TAS2R4: variants seen among roughly 807,000 people sequenced by gnomAD.
TAS2R4 encodes taste receptor type 2 member 4.
A neutral mutation model predicts 14.3 loss-of-function variants in TAS2R4; 18 were observed. That is an observed-to-expected ratio of 1.26 (90% confidence interval 0.87 to 1.86). The LOEUF (loss-of-function observed/expected upper bound fraction) is 1.86. Ranked by LOEUF, TAS2R4 falls within the 40% of genes most tolerant of loss-of-function variation. The pLI is 0.00. For synonymous variants in TAS2R4, 130 were observed against 138.5 expected (o/e 0.94, Z 0.43); for missense variants, 306 against 342.7 (o/e 0.89, Z 0.85).
In TAS2R4 at chr7:141,778,112, C is replaced by T. The variant is rs1330610415; in HGVS notation, c.-377C>T. Among the ~76,000 whole-genome samples, 1 of 152,110 alleles carries T rather than the reference C, an allele frequency of 6.6e-6. No individual in the cohort carries two copies. The highest frequency in any genetic ancestry group is 1.5e-5 in the Non-Finnish European group (1 of 68,012). On this transcript the variant is annotated 5_prime_UTR_variant, in exon 1 of 1. Coordinates refer to ENST00000247881, the MANE Select transcript of TAS2R4 (RefSeq NM_016944.2). ...GCATTTTTATGAAGAAAAACTTTACCGTAAAACATTGACAGAAACATTGCT... is the reference window on the plus strand; with the variant it reads ...GCATTTTTATGAAGAAAAACTTTACTGTAAAACATTGACAGAAACATTGCT...
Position 141,776,776 on chromosome 7 carries a change from A to G in TAS2R4, c.-1713A>G, listed in dbSNP as rs980638526. Among the ~76,000 whole-genome samples the G allele has an allele frequency of 4.6e-5, 7 of 152,064 alleles. No homozygotes were observed. The highest frequency in any genetic ancestry group is 1.0e-4 in the Non-Finnish European group (7 of 68,010). On this transcript the variant is annotated 5_prime_UTR_variant, in exon 1 of 1. The change creates a new upstream start codon in the 5' untranslated region. Transcript: ENST00000247881. ...GAAAACAGCTAGGAAGTTTAACCATAGGTCAAATTCTCATGCATAGGGAGA... is the reference window on the plus strand; with the variant it reads ...GAAAACAGCTAGGAAGTTTAACCATGGGTCAAATTCTCATGCATAGGGAGA...
rs1427556421 is a variant in TAS2R4, at chr7:141,779,205, C to T, written c.717C>T (p.Tyr239=). Residue 239 remains tyrosine (Y), a synonymous_variant, in exon 1 of 1, where the codon TAC becomes TAT. Transcript: ENST00000247881. The part of the protein sequence containing the change: ...MKLMVYFLIL[Y]IPYSVATLVQ... ...TGATGGTCTATTTCCTCATCCTCTA[C>T]ATTCCATATTCAGTTGCTACCCTGG... 6.2e-7 allele frequency: 1 copy of T among 1,614,164 alleles called. No homozygotes were observed. The highest frequency in any genetic ancestry group is 1.7e-5 in the Admixed American group (1 of 60,028).
rs1182382046 is a variant in TAS2R4 at position 141,780,678 on chromosome 7, G to A, written c.*1290G>A. The A allele has an allele frequency of 1.3e-5, 2 of 152,182 alleles. No individual in the cohort carries two copies. Among genetic ancestry groups the A allele is most frequent in the Non-Finnish European group, 2.9e-5 (2 of 68,036 alleles). 9.4% of individuals were successfully genotyped at this position (152,182 alleles called of 1,614,324 possible). Reference sequence around the variant, plus strand: ...GGACTGTGGCTCCAAAAGAACAACAGTCTGAAGATGGGATGTTGACAAGTT... The same window carrying A: ...GGACTGTGGCTCCAAAAGAACAACAATCTGAAGATGGGATGTTGACAAGTT... On this transcript the variant is annotated 3_prime_UTR_variant, in exon 1 of 1. Coordinates refer to ENST00000247881, the MANE Select transcript of TAS2R4 (RefSeq NM_016944.2).
chr7:141,779,887 G>C lies in TAS2R4; in HGVS notation c.*499G>C, dbSNP rs1207172981. ...AAAAAGGAAGGTTTCAGAGAGAAAA[G>C]AAGGAAAGAGAAAGGTGAAGAGAAA... On this transcript the variant is annotated 3_prime_UTR_variant, in exon 1 of 1. Transcript: ENST00000247881. 1 of 154,008 alleles carries C rather than the reference G, an allele frequency of 6.5e-6. No individual in the cohort carries two copies. The highest frequency in any genetic ancestry group is 2.4e-5 in the African/African-American group (1 of 41,438). 9.5% of individuals were successfully genotyped at this position (154,008 alleles called of 1,614,324 possible). A position where few individuals can be genotyped will look rare whatever the true frequency, so the allele number is the denominator to read the frequency against.
Position 141,779,576 on chromosome 7 carries a change from A to G in TAS2R4, c.*188A>G, listed in dbSNP as rs1232229251. On this transcript the variant is annotated 3_prime_UTR_variant, in exon 1 of 1. Transcript: ENST00000247881. ...TTTTGGTATGTAAGTATTTTAAAAT[A>G]AGGCACATTCTGTAAGAAACTTTTT... is the stretch of plus-strand genomic sequence containing the variant. The G allele has an allele frequency of 3.6e-6, 2 of 559,354 alleles. No homozygotes were observed. The highest frequency in any genetic ancestry group is 3.7e-5 in the South Asian group (1 of 27,066). 34.6% of individuals were successfully genotyped at this position (559,354 alleles called of 1,614,324 possible). A position where few individuals can be genotyped will look rare whatever the true frequency, so the allele number is the denominator to read the frequency against.
rs1317782249 is a variant in TAS2R4 at position 141,776,703 on chromosome 7, A to G, written c.-1786A>G. Among the ~76,000 whole-genome samples the G allele has an allele frequency of 1.3e-5, 2 of 151,012 alleles. No individual in the cohort carries two copies. Among genetic ancestry groups the G allele is most frequent in the Non-Finnish European group, 3.0e-5 (2 of 67,770 alleles). On this transcript the variant is annotated 5_prime_UTR_variant, in exon 1 of 1. Coordinates refer to ENST00000247881, the MANE Select transcript of TAS2R4 (RefSeq NM_016944.2). Reference sequence around the variant, plus strand: ...AAACATAGTTGATGTTCTTACCCTTATCATATAAGGATAAGATTATCCTTA... The same window carrying G: ...AAACATAGTTGATGTTCTTACCCTTGTCATATAAGGATAAGATTATCCTTA...
In TAS2R4 at chr7:141,777,926, A is replaced by T. The variant is rs2117221979; in HGVS notation, c.-563A>T. 6.6e-6 allele frequency among the ~76,000 whole-genome samples: 1 copy of T among 152,322 alleles called. No individual in the cohort carries two copies. Among genetic ancestry groups the T allele is most frequent in the East Asian group, 1.9e-4 (1 of 5,178 alleles). ...CACTGTAAATCGCTATAGGTGAATC[A>T]CTGAGGTTGAAAGAGTGGCATTGGC... On this transcript the variant is annotated 5_prime_UTR_variant, in exon 1 of 1. Transcript: ENST00000247881.
chr7:141,778,190 T>C lies in TAS2R4; in HGVS notation c.-299T>C, dbSNP rs1024866766. ...AAGTTTTTGGAGCCTGCTGTGACTCTTCCCTCTCGCCCTCCTGCTCTTGGA... is the reference window on the plus strand; with the variant it reads ...AAGTTTTTGGAGCCTGCTGTGACTCCTCCCTCTCGCCCTCCTGCTCTTGGA... On this transcript the variant is annotated 5_prime_UTR_variant, in exon 1 of 1. Coordinates refer to ENST00000247881, the MANE Select transcript of TAS2R4 (RefSeq NM_016944.2). 6.6e-5 allele frequency among the ~76,000 whole-genome samples: 10 copies of C among 152,194 alleles called. No homozygotes were observed. The highest frequency in any genetic ancestry group is 1.5e-5 in the Non-Finnish European group (1 of 68,040).
In TAS2R4 at chr7:141,777,806, A is replaced by T. The variant is rs1800262345; in HGVS notation, c.-683A>T. Among the ~76,000 whole-genome samples, 1 of 152,134 alleles carries T rather than the reference A, an allele frequency of 6.6e-6. No individual in the cohort carries two copies. The highest frequency in any genetic ancestry group is 2.4e-5 in the African/African-American group (1 of 41,442). On this transcript the variant is annotated 5_prime_UTR_variant, in exon 1 of 1. It removes the in-frame stop codon of an upstream open reading frame in the 5' UTR. Transcript: ENST00000247881. Reference sequence around the variant, plus strand: ...ATGGCACAAATCTATGTATGTAGATAGAGAAGGCAAAGCAAAGGGCATCAG... The same window carrying T: ...ATGGCACAAATCTATGTATGTAGATTGAGAAGGCAAAGCAAAGGGCATCAG...
chr7:141,779,730 A>C lies in TAS2R4; in HGVS notation c.*342A>C. 1 of 214,112 alleles carries C rather than the reference A, an allele frequency of 4.7e-6. No individual in the cohort carries two copies. The highest frequency in any genetic ancestry group is 1.2e-4 in the East Asian group (1 of 8,510). 13.3% of individuals were successfully genotyped at this position (214,112 alleles called of 1,614,324 possible). Reference sequence around the variant, plus strand: ...CAAATTAGAGAACACATTGGGGTGCACGTGATGAGTTAGATATTTGTGGTT... The same window carrying C: ...CAAATTAGAGAACACATTGGGGTGCCCGTGATGAGTTAGATATTTGTGGTT... On this transcript the variant is annotated 3_prime_UTR_variant, in exon 1 of 1. Transcript: ENST00000247881.
rs1002079323 is a variant in TAS2R4 at position 141,778,345 on chromosome 7, T to TCATGAATGGCA, written c.-134_-133insACATGAATGGC. 1.7e-5 allele frequency: 12 copies of TCATGAATGGCA among 709,200 alleles called. No individual in the cohort carries two copies. The highest frequency in any genetic ancestry group is 2.8e-5 in the Non-Finnish European group (12 of 435,734). 43.9% of individuals were successfully genotyped at this position (709,200 alleles called of 1,614,324 possible). A position where few individuals can be genotyped will look rare whatever the true frequency, so the allele number is the denominator to read the frequency against. ...CTCAGTAAAATCAGGTGGCCCTTGA[T>TCATGAATGGCA]CATGAATGGCTCATTTGCCATGCTG... is the stretch of plus-strand genomic sequence containing the variant. On this transcript the variant is annotated 5_prime_UTR_variant, in exon 1 of 1. The change creates a new upstream start codon in the 5' untranslated region. Transcript: ENST00000247881.
At position 141,780,910 on chromosome 7, in the gene TAS2R4, G is replaced by A. The variant is rs768472565; in HGVS notation, c.*1522G>A. 2 of 152,038 alleles carry A rather than the reference G, an allele frequency of 1.3e-5. No homozygotes were observed. Among genetic ancestry groups the A allele is most frequent in the Non-Finnish European group, 2.9e-5 (2 of 68,024 alleles). 9.4% of individuals were successfully genotyped at this position (152,038 alleles called of 1,614,324 possible). On this transcript the variant is annotated 3_prime_UTR_variant, in exon 1 of 1. Transcript: ENST00000247881. Reference sequence around the variant, plus strand: ...ATATTTTGTGCTATGAAACCTGGAGGTATTCATCATGTTAAATCCTAAGAG... The same window carrying A: ...ATATTTTGTGCTATGAAACCTGGAGATATTCATCATGTTAAATCCTAAGAG...
Position 141,780,348 on chromosome 7 carries a change from T to G in TAS2R4, c.*960T>G, listed in dbSNP as rs928570672. On this transcript the variant is annotated 3_prime_UTR_variant, in exon 1 of 1. Coordinates refer to ENST00000247881, the MANE Select transcript of TAS2R4 (RefSeq NM_016944.2). ...CTGGAAAAGAGGATATTGCCAGAGT[T>G]GGTAAGTAGAGGAAAGTGATTAGTA... 6.6e-6 allele frequency: 1 copy of G among 152,114 alleles called. No homozygotes were observed. Among genetic ancestry groups the G allele is most frequent in the African/African-American group, 2.4e-5 (1 of 41,410 alleles). The allele number at this position is 152,114 out of a possible 1,614,324, so 9.4% of individuals were successfully genotyped here.
In TAS2R4 at chr7:141,777,019, G is replaced by A. The variant is rs1232681769; in HGVS notation, c.-1470G>A. Among the ~76,000 whole-genome samples the A allele has an allele frequency of 6.6e-6, 1 of 151,942 alleles. No individual in the cohort carries two copies. ...TCTTTTGGCCACATTTATCTGTTAT[G>A]GCTTACTCTATATCATTTATTCTAT... On this transcript the variant is annotated 5_prime_UTR_variant, in exon 1 of 1. An upstream start codon of the reference 5' UTR is lost. Coordinates refer to ENST00000247881, the MANE Select transcript of TAS2R4 (RefSeq NM_016944.2).
Position 141,780,078 on chromosome 7 carries a change from G to A in TAS2R4, c.*690G>A. 3 of 152,272 alleles carry A rather than the reference G, an allele frequency of 2.0e-5. No homozygotes were observed. Among genetic ancestry groups the A allele is most frequent in the Non-Finnish European group, 4.4e-5 (3 of 68,168 alleles). 9.4% of individuals were successfully genotyped at this position (152,272 alleles called of 1,614,324 possible). A position where few individuals can be genotyped will look rare whatever the true frequency, so the allele number is the denominator to read the frequency against. ...AAAAAATTAGCTGGGCGTGGTGGCG[G>A]GCACCTGTAGTCCCAGCTACTCGGG... is the stretch of plus-strand genomic sequence containing the variant. On this transcript the variant is annotated 3_prime_UTR_variant, in exon 1 of 1. Coordinates refer to ENST00000247881, the MANE Select transcript of TAS2R4 (RefSeq NM_016944.2).
In TAS2R4 at chr7:141,777,228, C is replaced by G. The variant is rs1373958964; in HGVS notation, c.-1261C>G. On this transcript the variant is annotated 5_prime_UTR_variant, in exon 1 of 1. Transcript: ENST00000247881. ...CCTGTTAGTTTTGAATAAAAAGCTT[C>G]TGTAAGCACCTGGGCACCAGGTCAG... 3.9e-5 allele frequency among the ~76,000 whole-genome samples: 6 copies of G among 152,192 alleles called. No individual in the cohort carries two copies. Among genetic ancestry groups the G allele is most frequent in the African/African-American group, 1.4e-4 (6 of 41,444 alleles).
rs1222581445 is a variant in TAS2R4 at position 141,780,479 on chromosome 7, C to CAGT, written c.*1092_*1093insGTA. 1 of 152,160 alleles carries CAGT rather than the reference C, an allele frequency of 6.6e-6. No homozygotes were observed. The highest frequency in any genetic ancestry group is 2.4e-5 in the African/African-American group (1 of 41,428). 9.4% of individuals were successfully genotyped at this position (152,160 alleles called of 1,614,324 possible). A position where few individuals can be genotyped will look rare whatever the true frequency, so the allele number is the denominator to read the frequency against. On this transcript the variant is annotated 3_prime_UTR_variant, in exon 1 of 1. Transcript: ENST00000247881. ...TAATGAAATTAACACCATATGAGTA[C>CAGT]AAATTTACAAAATACTGTACTTCAC...
In TAS2R4 at chr7:141,780,151, T is replaced by C. The variant is rs977582204; in HGVS notation, c.*763T>C. ...TCAACCCAGGAGGCGGAGCTTGCAG[T>C]GAGATGAGATCGCGCCACTGCACTC... On this transcript the variant is annotated 3_prime_UTR_variant, in exon 1 of 1. Coordinates refer to ENST00000247881, the MANE Select transcript of TAS2R4 (RefSeq NM_016944.2). 9.2e-5 allele frequency: 14 copies of C among 152,220 alleles called. No homozygotes were observed. Among genetic ancestry groups the C allele is most frequent in the Non-Finnish European group, 2.1e-4 (14 of 68,220 alleles). The allele number at this position is 152,220 out of a possible 1,614,324, so 9.4% of individuals were successfully genotyped here.
At position 141,778,418 on chromosome 7, in the gene TAS2R4, G is replaced by A. The variant is rs1046747688; in HGVS notation, c.-71G>A. The stretch of plus-strand genomic sequence containing the variant: ...CCTTCCTGGCTGGATACTGGTGTCT[G>A]CTTATACATTTTGGTATTTCTTCTG... On this transcript the variant is annotated 5_prime_UTR_variant, in exon 1 of 1. Coordinates refer to ENST00000247881, the MANE Select transcript of TAS2R4 (RefSeq NM_016944.2). 7.1e-7 allele frequency: 1 copy of A among 1,411,062 alleles called. No homozygotes were observed. The highest frequency in any genetic ancestry group is 9.7e-7 in the Non-Finnish European group (1 of 1,034,442). The allele number at this position is 1,411,062 out of a possible 1,614,324, so 87.4% of individuals were successfully genotyped here. A position where few individuals can be genotyped will look rare whatever the true frequency, so the allele number is the denominator to read the frequency against.
Sources: gnomAD v4.1 joint callset for allele counts (sites outside exome capture counted in the v4.1 genomes callset) on GRCh38, gnomAD v4.1.1 for gene constraint, MANE v1.5 for transcripts, NCBI Gene and HGNC (gene_info 2026-07-23, HGNC 2026-07-21) for gene names.